The following MYO1E variants were observed in gnomAD, a reference collection of about 807,000 sequenced individuals.
MYO1E encodes myosin IE.
In MYO1E, 68 loss-of-function variants were observed where a neutral mutation model predicts 151.1. That is an observed-to-expected ratio of 0.45 (90% CI 0.37 to 0.55). MYO1E has a LOEUF of 0.55. MYO1E is among the 20% of genes least tolerant of loss of function. The pLI, the probability that MYO1E is intolerant of heterozygous loss-of-function variation, is 0.00. For synonymous variants in MYO1E, 601 were observed against 501.7 expected (o/e 1.20, Z -2.64); for missense variants, 1,363 against 1,389.3 (o/e 0.98, Z 0.30).
At chr15:59,188,522 C>G (rs1446368811) in intron 17 of MYO1E, among the ~76,000 whole-genome samples, 1 of 151,936 alleles carries the variant, frequency 6.6e-6, no homozygotes. Flanking sequence ...ATGGTGAAAC[C>G]CTGTCTCTAT....
chr15:59,199,354 AT>A (rs1418865687), intron 16 of MYO1E, among the ~76,000 whole-genome samples: 2 of 152,188 alleles, frequency 1.3e-5, no homozygotes, highest in African/African-American at 4.8e-5. Context: ...AAGTGCTAGG[AT>A]AACAGCCATG....
At chr15:59,343,361 GAA>G (rs1186042051) in intron 1 of MYO1E, among the ~76,000 whole-genome samples, 2 of 151,380 alleles carry the variant, frequency 1.3e-5, no homozygotes, top group Non-Finnish European at 2.9e-5. Context: ...AGTTTCCACT[GAA>G]AAGTCTGCTG....
intron 15 of MYO1E, among the ~76,000 whole-genome samples, chr15:59,203,234 T>G (rs532610899): frequency 5.7e-4 from 87 of 152,286 alleles, no homozygotes; most frequent in African/African-American, 2.1e-3. Context: ...TGTGGGATAT[T>G]TAGCAGCATC....
intron 1 of MYO1E, among the ~76,000 whole-genome samples, chr15:59,357,607 T>C (rs2080862379): frequency 6.6e-6 from 1 of 151,260 alleles, no homozygotes; most frequent in African/African-American, 2.4e-5. Flanking sequence ...TTGTTGTTGT[T>C]GTTGTTGTTG....
intron 4 of MYO1E, among the ~76,000 whole-genome samples, chr15:59,247,765 G>A (rs1027040629): frequency 3.9e-5 from 6 of 152,180 alleles, no homozygotes; most frequent in African/African-American, 1.4e-4. Flanking sequence ...CTACATATCT[G>A]TAGAGCCACT....
At chr15:59,170,944 A>G (rs1347970942) in intron 22 of MYO1E, among the ~76,000 whole-genome samples, 1 of 152,184 alleles carries the variant, frequency 6.6e-6, no homozygotes, top group Admixed American at 6.5e-5. Context: ...AGGCGTCCCA[A>G]TTCCATGTTC....
At chr15:59,148,825 G>C (rs2140303919) in intron 26 of MYO1E, among the ~76,000 whole-genome samples, 2 of 152,214 alleles carry the variant, frequency 1.3e-5, no homozygotes, top group Middle Eastern at 3.4e-3. Context: ...CCAACTTCTA[G>C]TTGGATTAAT....
intron 16 of MYO1E, among the ~76,000 whole-genome samples, chr15:59,197,841 T>C (rs561069361): frequency 2.0e-5 from 3 of 152,368 alleles, no homozygotes; most frequent in Admixed American, 6.5e-5. Context: ...TGTATTTCAA[T>C]AGCTATGGGT....
intron 18 of MYO1E, among the ~76,000 whole-genome samples, chr15:59,184,889 A>G (rs1457194687): frequency 6.6e-6 from 1 of 152,170 alleles, no homozygotes; most frequent in African/African-American, 2.4e-5. Flanking sequence ...TAGTTATACT[A>G]ATTTACATTC....
intron 1 of MYO1E, among the ~76,000 whole-genome samples, chr15:59,298,633 C>T (rs2080465149): frequency 6.6e-6 from 1 of 152,202 alleles, no homozygotes; most frequent in Non-Finnish European, 1.5e-5. Flanking sequence ...CCCCTCTCTT[C>T]CTTGACTACA....
chr15:59,286,298 A>T (rs141407995), intron 1 of MYO1E, among the ~76,000 whole-genome samples: 5 of 152,220 alleles, frequency 3.3e-5, no homozygotes, highest in Admixed American at 6.5e-5. Context: ...GTATGCTGAC[A>T]TGAGTTAACC....
intron 1 of MYO1E, among the ~76,000 whole-genome samples, chr15:59,315,063 A>G (rs1213973321): frequency 6.6e-6 from 1 of 152,178 alleles, no homozygotes; most frequent in Non-Finnish European, 1.5e-5. Context: ...TCCAGGCCTC[A>G]TGGAGCCTGG....
At chr15:59,336,070 T>C (rs1226598855) in intron 1 of MYO1E, among the ~76,000 whole-genome samples, 6 of 151,356 alleles carry the variant, frequency 4.0e-5, no homozygotes, top group African/African-American at 1.5e-4. Context: ...AAACTTTTTC[T>C]GGAATTAAAA....
chr15:59,363,804 C>G (rs565389437), intron 1 of MYO1E, among the ~76,000 whole-genome samples: 107 of 152,210 alleles, frequency 7.0e-4, no homozygotes, highest in Non-Finnish European at 1.4e-3. Flanking sequence ...GAGACGGAAT[C>G]TTGCTCTGTC....
At chr15:59,372,106 C>A (rs559791108) in intron 1 of MYO1E, among the ~76,000 whole-genome samples, 1 of 150,538 alleles carries the variant, frequency 6.6e-6, no homozygotes, top group Non-Finnish European at 1.5e-5. Flanking sequence ...ACGCCGCCAG[C>A]GGCTGCGGCG....
At chr15:59,349,787 T>G (rs1221600499) in intron 1 of MYO1E, among the ~76,000 whole-genome samples, 2 of 152,178 alleles carry the variant, frequency 1.3e-5, no homozygotes, top group Non-Finnish European at 2.9e-5. Flanking sequence ...ATTTCTAACC[T>G]TACTCAATTA....
At chr15:59,263,523 A>T (rs1248723499) in intron 2 of MYO1E, among the ~76,000 whole-genome samples, 6 of 152,226 alleles carry the variant, frequency 3.9e-5, no homozygotes, top group Non-Finnish European at 8.8e-5. Context: ...AATACAAATC[A>T]ATGTGAGATG....
At chr15:59,229,036 G>C (rs573430918) in intron 6 of MYO1E, among the ~76,000 whole-genome samples, 1 of 152,322 alleles carries the variant, frequency 6.6e-6, no homozygotes, top group South Asian at 2.1e-4. Flanking sequence ...CCTGAGAAAA[G>C]CTCACTGAAA....
At chr15:59,351,957 C>G (rs2080825854) in intron 1 of MYO1E, among the ~76,000 whole-genome samples, 1 of 152,212 alleles carries the variant, frequency 6.6e-6, no homozygotes, top group Non-Finnish European at 1.5e-5. Flanking sequence ...TTCTGGATCT[C>G]TTTCTTCCTC....
Sources: gnomAD v4.1 joint callset for allele counts (sites outside exome capture counted in the v4.1 genomes callset) on GRCh38, gnomAD v4.1.1 for gene constraint, MANE v1.5 for transcripts, NCBI Gene and HGNC (gene_info 2026-07-23, HGNC 2026-07-21) for gene names.